CEP97: variants seen among roughly 807,000 people sequenced by gnomAD.
CEP97 encodes the protein centrosomal protein 97, also known as centrosomal protein of 97 kDa.
Under a neutral mutation model 73.1 loss-of-function variants are expected in CEP97, and 43 were observed. The observed-to-expected ratio is 0.59, with a 90% CI of 0.46 to 0.76. CEP97 has a LOEUF of 0.76. CEP97 is among the 30% of genes least tolerant of loss of function. The pLI is 0.00. For synonymous variants in CEP97, 337 were observed against 370.0 expected (o/e 0.91, Z 1.02); for missense variants, 939 against 1,014.0 (o/e 0.93, Z 1.00).
intron 6 of CEP97, among the ~76,000 whole-genome samples, chr3:101,751,709 GT>G: frequency 6.6e-6 from 1 of 152,102 alleles, no homozygotes; most frequent in Non-Finnish European, 1.5e-5. Context: ...GTTAAAGTCT[GT>G]TTTATCGGAG....
At chr3:101,750,929 G>C (rs1280437516) in intron 6 of CEP97, among the ~76,000 whole-genome samples, 3 of 152,016 alleles carry the variant, frequency 2.0e-5, no homozygotes, top group Admixed American at 6.6e-5. Flanking sequence ...CTGCTCTGAT[G>C]TTAGTTATTT....
At position 101,765,261 on chromosome 3, in the gene CEP97, A is replaced by T. The variant is rs747424989; in HGVS notation, c.2308A>T (p.Ser770Cys). 14 of 1,614,114 alleles carry T rather than the reference A, an allele frequency of 8.7e-6. No homozygotes were observed. In the South Asian group the frequency reaches 1.4e-4, roughly 16 times the overall value. Residue 770 changes from serine to cysteine, a missense_variant, in exon 11 of 11, where the codon AGT becomes TGT. By Grantham distance (112) the Ser-to-Cys change is moderately radical. Coordinates refer to ENST00000341893, the MANE Select transcript of CEP97 (RefSeq NM_024548.4). ...KESSNNEQDNSLLEQYLTSVQ... is the reference protein window; with the variant it reads ...KESSNNEQDNCLLEQYLTSVQ... ...AAGCTCAAATAACGAGCAGGACAAT[A>T]GTCTGCTTGAACAGTATTTAACTTC... is the stretch of plus-strand genomic sequence containing the variant.
intron 6 of CEP97, among the ~76,000 whole-genome samples, chr3:101,746,553 TA>T (rs1215032933): frequency 2.0e-5 from 3 of 150,558 alleles, no homozygotes; most frequent in Non-Finnish European, 3.0e-5. Flanking sequence ...ACTTAAACGT[TA>T]GACCTAAAAC....
At chr3:101,759,520 C>G (rs1939112668) in intron 9 of CEP97, 1 of 152,208 alleles carries the variant, frequency 6.6e-6, no homozygotes, top group Admixed American at 6.5e-5. Context: ...ACTCCATGGC[C>G]CAGGACCCAG....
chr3:101,753,428 T>C (rs1938900623), intron 6 of CEP97, among the ~76,000 whole-genome samples: 1 of 152,204 alleles, frequency 6.6e-6, no homozygotes, highest in African/African-American at 2.4e-5. Context: ...ACTGCTCTCT[T>C]CAAAGCTGTC....
chr3:101,747,988 T>C (rs1334078036), intron 6 of CEP97, among the ~76,000 whole-genome samples: 1 of 151,606 alleles, frequency 6.6e-6, no homozygotes, highest in African/African-American at 2.4e-5. Context: ...AAAAATTAGC[T>C]GGGTATGCTG....
At chr3:101,754,360 G>C (rs1174936801) in intron 6 of CEP97, among the ~76,000 whole-genome samples, 1 of 151,938 alleles carries the variant, frequency 6.6e-6, no homozygotes, top group Non-Finnish European at 1.5e-5. Context: ...AATTAACCAA[G>C]TGCCCTAATA....
At chr3:101,725,233 C>T (rs573705661) in intron 1 of CEP97, among the ~76,000 whole-genome samples, 2 of 152,310 alleles carry the variant, frequency 1.3e-5, no homozygotes, top group Admixed American at 1.3e-4. Context: ...GCCCGCAGTT[C>T]TGTACTCCTT....
intron 10 of CEP97, chr3:101,763,205 C>A: frequency 2.4e-6 from 3 of 1,226,778 alleles, no homozygotes; most frequent in South Asian, 2.8e-5. Context: ...CATCACCTGG[C>A]CAAATTTGTT....
chr3:101,755,289 A>G lies in CEP97; in HGVS notation c.729-141A>G, dbSNP rs79459413. On this transcript the variant is annotated intron_variant, in intron 6 of 10. Transcript: ENST00000341893. ...TATGAGTCAGAATGATAGATTTTTTAAAAAAATTGAGTGAATTTTATTTAT... is the reference window on the plus strand; with the variant it reads ...TATGAGTCAGAATGATAGATTTTTTGAAAAAATTGAGTGAATTTTATTTAT... 9 of 725,552 alleles carry G rather than the reference A, an allele frequency of 1.2e-5. No individual in the cohort carries two copies. The African/African-American group carries it at 1.6e-4, about 13-fold the overall frequency. The allele number at this position is 725,552 out of a possible 1,614,324, so 44.9% of individuals were successfully genotyped here.
chr3:101,727,295 C>A, intron 2 of CEP97, 88 bp from the exon 3 acceptor site: 1 of 1,054,216 alleles, frequency 9.5e-7, no homozygotes, highest in Non-Finnish European at 1.4e-6. Context: ...GAGTGTTTGG[C>A]TGTCTAAATA....
intron 9 of CEP97, among the ~76,000 whole-genome samples, chr3:101,761,526 G>T (rs1939177857): frequency 6.6e-6 from 1 of 152,152 alleles, no homozygotes; most frequent in African/African-American, 2.4e-5. Context: ...CGAATTTTGG[G>T]AAATTTAGCA....
At chr3:101,749,571 C>G (rs1381052072) in intron 6 of CEP97, among the ~76,000 whole-genome samples, 1 of 131,274 alleles carries the variant, frequency 7.6e-6, no homozygotes, top group East Asian at 2.1e-4. Flanking sequence ...AATCGCCACA[C>G]TGACTTCCAC....
At position 101,727,536 on chromosome 3, in the gene CEP97, C is replaced by A; in HGVS notation, c.340C>A (p.Leu114Ile). ...ATGGCTGAATTTGGCAGGAAATAAT[C>A]TTAAGGTGAATGGTTTCTTTTTTGT... ...LEWLNLAGNN[L>I]KAMEQINSCT... Residue 114 changes from leucine (L) to isoleucine (I), a missense_variant, in exon 3 of 11, where the codon CTT (leucine) becomes ATT (isoleucine). Coordinates refer to ENST00000341893, the MANE Select transcript of CEP97 (RefSeq NM_024548.4). 1 of 1,603,526 alleles carries A rather than the reference C, an allele frequency of 6.2e-7. No individual in the cohort carries two copies.
At chr3:101,747,549 G>A (rs1397492873) in intron 6 of CEP97, among the ~76,000 whole-genome samples, 22 of 148,790 alleles carry the variant, frequency 1.5e-4, no homozygotes, top group Admixed American at 4.7e-4. Flanking sequence ...GTGAGCCACC[G>A]CGCCTGGCCT....
At chr3:101,760,987 C>T (rs190743476) in intron 9 of CEP97, among the ~76,000 whole-genome samples, 14 of 152,094 alleles carry the variant, frequency 9.2e-5, no homozygotes, top group African/African-American at 2.2e-4. Context: ...CTCAGCCTCC[C>T]GAGTAGCTGG....
chr3:101,762,004 T>A (rs1362086782), intron 9 of CEP97, among the ~76,000 whole-genome samples: 9 of 152,134 alleles, frequency 5.9e-5, no homozygotes, highest in Non-Finnish European at 8.8e-5. Flanking sequence ...TAGTGAAGTT[T>A]GATGGGATTA....
Position 101,751,403 on chromosome 3 carries a change from G to C in CEP97, c.729-4027G>C, listed in dbSNP as rs144124353. Among the ~76,000 whole-genome samples, 1,398 of 152,292 alleles carry C rather than the reference G, an allele frequency of 9.2e-3. 19 individuals are homozygous for C. Among genetic ancestry groups the C allele is most frequent in the African/African-American group, 0.032 (1,325 of 41,544 alleles). On this transcript the variant is annotated intron_variant, in intron 6 of 10. Transcript: ENST00000341893. ...ATGTATATTCTTTTGATTTGGGGTGGAGAGTTCTGTAGATATCTATTAGGT... is the reference window on the plus strand; with the variant it reads ...ATGTATATTCTTTTGATTTGGGGTGCAGAGTTCTGTAGATATCTATTAGGT...
intron 6 of CEP97, among the ~76,000 whole-genome samples, chr3:101,741,984 G>A (rs555207979): frequency 9.2e-4 from 140 of 151,674 alleles, no homozygotes; most frequent in African/African-American, 3.0e-3. Context: ...GGAGGTTGCA[G>A]TGAGCTGAGA....
Sources: allele counts gnomAD v4.1 joint callset (sites outside exome capture counted in the v4.1 genomes callset), GRCh38; gene constraint gnomAD v4.1.1; transcripts MANE v1.5; gene names NCBI Gene and HGNC (gene_info 2026-07-23, HGNC 2026-07-21).